PRKX: variants seen among roughly 807,000 people sequenced by gnomAD.
PRKX encodes the protein protein kinase cAMP-dependent X-linked catalytic subunit, also known as cAMP-dependent protein kinase catalytic subunit PRKX.
PRKX carries 12 observed loss-of-function variants against 22.0 expected under a neutral mutation model. That is an observed-to-expected ratio of 0.54 (90% CI 0.35 to 0.88). The LOEUF is 0.88. Among genes scored for constraint, PRKX ranks in the 40% least tolerant of loss-of-function variants. The pLI, the probability that PRKX is intolerant of heterozygous loss-of-function variation, is 0.01. For missense variants in PRKX, 217 were observed against 308.0 expected (o/e 0.70, Z 2.21); for synonymous variants, 134 against 137.7 (o/e 0.97, Z 0.19).
Position 3,647,689 on chromosome X carries a change from A to G in PRKX, c.600-5718T>C, listed in dbSNP as rs776873855. On this transcript the variant is annotated intron_variant, in intron 3 of 8. Coordinates refer to ENST00000262848, the MANE Select transcript of PRKX (RefSeq NM_005044.5). ...TAATTATATACATAATTATGATTTT[A>G]TATGTATGATTTTCTAATGTGGTAA... 4.6e-4 allele frequency among the ~76,000 whole-genome samples: 50 copies of G among 109,170 alleles called. 1 individual carries two copies. The Admixed American group carries it at 4.7e-3, about 10-fold the overall frequency. The allele number at this position is 109,170 out of a possible 115,157, so 94.8% of individuals were successfully genotyped here. A position where few individuals can be genotyped will look rare whatever the true frequency, so the allele number is the denominator to read the frequency against.
At chrX:3,617,410 G>A (rs975490537) in intron 6 of PRKX, among the ~76,000 whole-genome samples, 8 of 109,894 alleles carry the variant, frequency 7.3e-5, no homozygotes, top group Admixed American at 5.0e-4. Context: ...TTGGGAGGCC[G>A]AGGCAGGAGG....
intron 1 of PRKX, among the ~76,000 whole-genome samples, chrX:3,694,214 C>G (rs1928398284): frequency 9.3e-6 from 1 of 107,351 alleles, no homozygotes; most frequent in Non-Finnish European, 1.9e-5. Flanking sequence ...TGGTGAAATC[C>G]CGTCTCCACT....
chrX:3,653,163 G>A (rs771319254), intron 3 of PRKX, among the ~76,000 whole-genome samples: 6 of 111,517 alleles, frequency 5.4e-5, no homozygotes, highest in African/African-American at 1.3e-4. Context: ...GGATTAGGAG[G>A]TGGGGCCTTT....
intron 1 of PRKX, among the ~76,000 whole-genome samples, chrX:3,701,610 T>C (rs927777141): frequency 8.9e-6 from 1 of 112,436 alleles, no homozygotes; most frequent in Non-Finnish European, 1.9e-5. Flanking sequence ...CAACTCCATC[T>C]TGAAGAGGAG....
intron 2 of PRKX, among the ~76,000 whole-genome samples, chrX:3,673,686 G>A (rs766926800): frequency 7.2e-5 from 8 of 110,915 alleles, no homozygotes; most frequent in Middle Eastern, 4.6e-3. Flanking sequence ...GGAGAGACAC[G>A]CAGGACATCC....
At chrX:3,652,585 A>G (rs376113119) in intron 3 of PRKX, among the ~76,000 whole-genome samples, 2 of 110,829 alleles carry the variant, frequency 1.8e-5, no homozygotes, top group East Asian at 2.8e-4. Context: ...CTTCGTCCCA[A>G]AAAAAAACAA....
At chrX:3,642,198 T>C (rs1308544610) in intron 3 of PRKX, among the ~76,000 whole-genome samples, 1 of 111,358 alleles carries the variant, frequency 9.0e-6, no homozygotes, top group Non-Finnish European at 1.9e-5. Flanking sequence ...GGTTTTATCA[T>C]CCTTGCTCCT....
At chrX:3,647,493 T>C (rs951899156) in intron 3 of PRKX, among the ~76,000 whole-genome samples, 15 of 105,685 alleles carry the variant, frequency 1.4e-4, no homozygotes, top group African/African-American at 4.0e-4. Context: ...AATATATACA[T>C]ACATTGTTAT....
At chrX:3,670,704 C>A (rs371575679) in intron 2 of PRKX, among the ~76,000 whole-genome samples, 2 of 110,768 alleles carry the variant, frequency 1.8e-5, no homozygotes, top group East Asian at 5.8e-4. Context: ...CCCACCACAC[C>A]CAGCTAATTT....
At chrX:3,692,241 T>G (rs11795926) in intron 1 of PRKX, among the ~76,000 whole-genome samples, 30,134 of 109,418 alleles carry the variant, frequency 0.28, 3,107 homozygotes, top group South Asian at 0.41. Context: ...AGGGCCATCC[T>G]GTGCACTGCA....
At chrX:3,648,648 G>GTGTA (rs1927245952) in intron 3 of PRKX, among the ~76,000 whole-genome samples, 1 of 98,028 alleles carries the variant, frequency 1.0e-5, no homozygotes, top group Non-Finnish European at 2.2e-5. Context: ...GTGTGTGTGT[G>GTGTA]TGTGTGTGTG....
At chrX:3,614,067 C>A (rs973332743) in intron 7 of PRKX, among the ~76,000 whole-genome samples, 53 of 110,322 alleles carry the variant, frequency 4.8e-4, no homozygotes, top group African/African-American at 1.5e-3. Flanking sequence ...ATGGAATCAA[C>A]CTAAGTGTCC....
intron 4 of PRKX, among the ~76,000 whole-genome samples, chrX:3,638,997 T>C (rs1448961040): frequency 1.1e-5 from 1 of 94,569 alleles, no homozygotes; most frequent in Non-Finnish European, 2.1e-5. Context: ...GAGATGGATA[T>C]ATAAATATAT....
intron 4 of PRKX, among the ~76,000 whole-genome samples, chrX:3,635,302 G>C (rs1926865802): frequency 9.0e-6 from 1 of 111,497 alleles, no homozygotes; most frequent in Admixed American, 9.6e-5. Context: ...CTCCACTGCA[G>C]CCAAATTCCA....
In PRKX at chrX:3,709,005, C is replaced by T. The variant is rs190810165; in HGVS notation, c.166+4083G>A. Reference sequence around the variant, plus strand: ...ACACACTCGCAAACACAAATGAGCACCTTTTGAAAACTAATAAAGCCTGAA... The same window carrying T: ...ACACACTCGCAAACACAAATGAGCATCTTTTGAAAACTAATAAAGCCTGAA... On this transcript the variant is annotated intron_variant, in intron 1 of 8. Transcript: ENST00000262848. Among the ~76,000 whole-genome samples, 15 of 109,227 alleles carry T rather than the reference C, an allele frequency of 1.4e-4. 1 individual carries two copies. Among genetic ancestry groups the T allele is most frequent in the Admixed American group, 1.2e-3 (12 of 10,112 alleles). 94.9% of individuals were successfully genotyped at this position (109,227 alleles called of 115,157 possible).
intron 3 of PRKX, among the ~76,000 whole-genome samples, chrX:3,648,635 T>TGTGTGTGTGTGTGC: frequency 9.4e-6 from 1 of 105,993 alleles, no homozygotes; most frequent in African/African-American, 3.4e-5. Context: ...TGTGTGTGTG[T>TGTGTGTGTGTGTGC]GTGTGTGTGT....
At chrX:3,668,645 G>T (rs996959677) in intron 2 of PRKX, among the ~76,000 whole-genome samples, 4 of 112,064 alleles carry the variant, frequency 3.6e-5, no homozygotes, top group African/African-American at 1.3e-4. Context: ...CCGGAGTGGA[G>T]AGACCTCTTG....
intron 2 of PRKX, among the ~76,000 whole-genome samples, chrX:3,670,911 T>C (rs2146593556): frequency 1.8e-5 from 2 of 112,335 alleles, no homozygotes; most frequent in Non-Finnish European, 3.8e-5. Flanking sequence ...ATTAAGTCTT[T>C]AAAGGCTCAT....
intron 1 of PRKX, among the ~76,000 whole-genome samples, chrX:3,701,717 G>A (rs1928578766): frequency 9.0e-6 from 1 of 111,276 alleles, no homozygotes; most frequent in African/African-American, 3.3e-5. Context: ...ACAAGATGCC[G>A]GTCATAAGGA....
Sources: allele counts gnomAD v4.1 joint callset (sites outside exome capture counted in the v4.1 genomes callset), GRCh38; gene constraint gnomAD v4.1.1; transcripts MANE v1.5; gene names NCBI Gene and HGNC (gene_info 2026-07-23, HGNC 2026-07-21).